TUSC3: variants seen among roughly 807,000 people sequenced by gnomAD.
TUSC3 encodes the protein dolichyl-diphosphooligosaccharide--protein glycosyltransferase subunit TUSC3.
Under a neutral mutation model 44.8 loss-of-function variants are expected in TUSC3, and 45 were observed. The observed-to-expected ratio is 1.00, with a 90% confidence interval of 0.79 to 1.29. TUSC3 has a LOEUF of 1.29. Among genes scored for constraint, TUSC3 ranks in the 50% most tolerant of loss-of-function variants. The pLI is 0.00. For synonymous variants in TUSC3, 212 were observed against 152.9 expected (o/e 1.39, Z -2.85); for missense variants, 519 against 437.9 (o/e 1.19, Z -1.65).
intron 6 of TUSC3, among the ~76,000 whole-genome samples, chr8:15,720,351 C>T (rs993562606): frequency 2.0e-5 from 3 of 151,768 alleles, no homozygotes; most frequent in African/African-American, 7.3e-5. Context: ...ATAAAATTAC[C>T]TCAAAATTTA....
At chr8:15,586,945 C>G (rs1477295324) in intron 1 of TUSC3, among the ~76,000 whole-genome samples, 1 of 152,136 alleles carries the variant, frequency 6.6e-6, no homozygotes, top group Non-Finnish European at 1.5e-5. Context: ...ATAAGCCATC[C>G]TAGTGATTCT....
chr8:15,460,286 T>C (rs934555478), intron 1 of TUSC3, among the ~76,000 whole-genome samples: 2 of 152,176 alleles, frequency 1.3e-5, no homozygotes, highest in Admixed American at 1.3e-4. Flanking sequence ...CCCTGATTGT[T>C]AGTGATGTTG....
At chr8:15,850,930 A>C in the TUSC3 span, among the ~76,000 whole-genome samples, 3 of 152,190 alleles carry the variant, frequency 2.0e-5, no homozygotes, top group African/African-American at 7.2e-5. Context: ...GTGCTCCCCT[A>C]CACTGAGGAA....
intron 3 of TUSC3, among the ~76,000 whole-genome samples, chr8:15,653,200 A>G (rs1476579904): frequency 6.6e-6 from 1 of 152,180 alleles, no homozygotes; most frequent in Non-Finnish European, 1.5e-5. Context: ...GGTGGGGACT[A>G]CAGCAGATTG....
intron 6 of TUSC3, among the ~76,000 whole-genome samples, chr8:15,724,027 A>G (rs1585269265): frequency 6.6e-6 from 1 of 152,112 alleles, no homozygotes; most frequent in Non-Finnish European, 1.5e-5. Flanking sequence ...TTAGCAGGCA[A>G]TTAACTGTAA....
At chr8:15,840,252 A>G in the TUSC3 span, among the ~76,000 whole-genome samples, 4 of 152,176 alleles carry the variant, frequency 2.6e-5, no homozygotes, top group African/African-American at 7.2e-5. Context: ...AGGGAGGGAA[A>G]GCATTAGGAG....
At chr8:15,673,341 C>G (rs1808034788) in intron 5 of TUSC3, among the ~76,000 whole-genome samples, 1 of 151,984 alleles carries the variant, frequency 6.6e-6, no homozygotes, top group East Asian at 1.9e-4. Flanking sequence ...GTTATCCAAA[C>G]TAATAGAAGA....
chr8:15,666,429 A>C (rs1807664636), intron 5 of TUSC3, among the ~76,000 whole-genome samples: 1 of 151,492 alleles, frequency 6.6e-6, no homozygotes, highest in African/African-American at 2.4e-5. Context: ...TTTTGCCCCA[A>C]ATAAATTATG....
At chr8:15,697,203 A>G (rs1178614095) in intron 6 of TUSC3, among the ~76,000 whole-genome samples, 2 of 151,994 alleles carry the variant, frequency 1.3e-5, no homozygotes, top group African/African-American at 4.8e-5. Context: ...ATGGTCTATC[A>G]GTTTTATTTA....
chr8:15,483,619 G>T (rs1415822999), intron 2 of TUSC3: 5 of 147,948 alleles, frequency 3.4e-5, no homozygotes, highest in African/African-American at 1.3e-4. Context: ...GATTACAGGC[G>T]TGAGCCGTCG....
intron 8 of TUSC3, among the ~76,000 whole-genome samples, chr8:15,744,263 C>T (rs935603630): frequency 1.3e-5 from 2 of 152,044 alleles, no homozygotes; most frequent in African/African-American, 4.8e-5. Context: ...TGTAGAAAAA[C>T]ATATATGAGG....
the TUSC3 span, among the ~76,000 whole-genome samples, chr8:15,789,658 T>C: frequency 2.6e-5 from 4 of 152,202 alleles, no homozygotes; most frequent in African/African-American, 9.7e-5. Flanking sequence ...ATAGTCAAAC[T>C]ACAATTCTAA....
intron 7 of TUSC3, among the ~76,000 whole-genome samples, chr8:15,731,770 A>G (rs1409033135): frequency 1.3e-5 from 2 of 152,138 alleles, no homozygotes; most frequent in African/African-American, 4.8e-5. Flanking sequence ...AACAACATTG[A>G]AGTTTTTGGA....
chr8:15,587,258 C>G lies in TUSC3; in HGVS notation c.139-35822C>G, dbSNP rs930367846. On this transcript the variant is annotated intron_variant, in intron 1 of 10. Coordinates refer to ENST00000503731, the MANE Select transcript of TUSC3 (RefSeq NM_006765.4). Reference sequence around the variant, plus strand: ...ATTCCTTACACTGCTCTCCCTGTATCCATCCTGATCTTGAGTTTATTTTTT... The same window carrying G: ...ATTCCTTACACTGCTCTCCCTGTATGCATCCTGATCTTGAGTTTATTTTTT... Among the ~76,000 whole-genome samples the G allele has an allele frequency of 7.2e-5, 11 of 152,140 alleles. No individual in the cohort carries two copies. The South Asian group carries it at 1.7e-3, about 23-fold the overall frequency.
At chr8:15,709,167 C>A (rs904227853) in intron 6 of TUSC3, among the ~76,000 whole-genome samples, 1 of 151,770 alleles carries the variant, frequency 6.6e-6, no homozygotes, top group Non-Finnish European at 1.5e-5. Context: ...TATACTGCAT[C>A]CAACATAATC....
chr8:15,507,214 C>G (rs1325924828), intron 2 of TUSC3, among the ~76,000 whole-genome samples: 29 of 152,158 alleles, frequency 1.9e-4, no homozygotes, highest in Admixed American at 1.8e-3. Context: ...TTAAAAGAAA[C>G]AAAGTGACAT....
At chr8:15,584,551 C>T (rs1031398209) in intron 1 of TUSC3, among the ~76,000 whole-genome samples, 1 of 152,084 alleles carries the variant, frequency 6.6e-6, no homozygotes, top group African/African-American at 2.4e-5. Context: ...TATGATAGAG[C>T]CACTTTATGA....
At chr8:15,829,975 A>G in the TUSC3 span, among the ~76,000 whole-genome samples, 2 of 151,980 alleles carry the variant, frequency 1.3e-5, no homozygotes, top group Non-Finnish European at 2.9e-5. Context: ...CTGGCTTTTT[A>G]ATAATAGCCA....
intron 9 of TUSC3, among the ~76,000 whole-genome samples, chr8:15,756,296 G>A (rs1016593795): frequency 6.6e-6 from 1 of 152,070 alleles, no homozygotes; most frequent in Non-Finnish European, 1.5e-5. Context: ...ACTTGGTTAA[G>A]CCTGTTTCTT....
Sources: gnomAD v4.1 joint callset for allele counts (sites outside exome capture counted in the v4.1 genomes callset) on GRCh38, gnomAD v4.1.1 for gene constraint, MANE v1.5 for transcripts, NCBI Gene and HGNC (gene_info 2026-07-23, HGNC 2026-07-21) for gene names.